SRBD1: variants seen among roughly 807,000 people sequenced by gnomAD.
SRBD1 encodes S1 RNA-binding domain-containing protein 1.
SRBD1 carries 88 observed loss-of-function variants against 115.3 expected under a neutral mutation model. That is an observed-to-expected ratio of 0.76 (90% confidence interval 0.64 to 0.91). The LOEUF is 0.91. SRBD1 is among the 40% of genes least tolerant of loss of function. SRBD1 has a pLI of 0.00. For missense variants in SRBD1, 1,385 were observed against 1,177.4 expected (o/e 1.18, Z -2.58); for synonymous variants, 509 against 407.7 (o/e 1.25, Z -2.99).
chr2:45,586,169 A>T lies in SRBD1; in HGVS notation c.649-395T>A, dbSNP rs148497251. 3.6e-3 allele frequency among the ~76,000 whole-genome samples: 552 copies of T among 152,332 alleles called. 5 individuals carry two copies. Among genetic ancestry groups the T allele is most frequent in the African/African-American group, 0.012 (509 of 41,576 alleles). On this transcript the variant is annotated intron_variant, in intron 4 of 20. Transcript: ENST00000263736. ...AGTGAGCAATTTGGCAATATCTATG[A>T]AAATTTACAATGCATAAACAAACTT...
intron 10 of SRBD1, among the ~76,000 whole-genome samples, chr2:45,554,205 TTCTC>T (rs770711789): frequency 2.2e-4 from 34 of 152,096 alleles, no homozygotes; most frequent in Non-Finnish European, 3.7e-4. Context: ...GGCTTGCTCT[TTCTC>T]TCTCTTTCTC....
chr2:45,472,109 TCA>T lies in SRBD1; in HGVS notation c.2049+4882_2049+4883del. On this transcript the variant is annotated intron_variant, in intron 16 of 20. Coordinates refer to ENST00000263736, the MANE Select transcript of SRBD1 (RefSeq NM_018079.5). ...CCAACTGATGAATGAACAAAATATCTCACACACCCACACCCACACATACACAC... is the reference window on the plus strand; with the variant it reads ...CCAACTGATGAATGAACAAAATATCTCACACCCACACCCACACATACACAC... 3.9e-5 allele frequency among the ~76,000 whole-genome samples: 6 copies of T among 152,086 alleles called. 1 individual carries two copies. The Middle Eastern group carries it at 0.017, about 431-fold the overall frequency.
intron 4 of SRBD1, among the ~76,000 whole-genome samples, chr2:45,595,737 G>T (rs1286973219): frequency 1.3e-5 from 2 of 152,134 alleles, no homozygotes; most frequent in Non-Finnish European, 2.9e-5. Context: ...CACAATAATT[G>T]TCTGTAAAAT....
intron 2 of SRBD1, among the ~76,000 whole-genome samples, chr2:45,602,431 C>T (rs1674124537): frequency 6.6e-6 from 1 of 152,172 alleles, no homozygotes; most frequent in South Asian, 2.1e-4. Flanking sequence ...GTGAGCTTTT[C>T]AATTTTAACA....
chr2:45,450,996 G>A (rs941401044), intron 16 of SRBD1, among the ~76,000 whole-genome samples: 8 of 152,118 alleles, frequency 5.3e-5, no homozygotes, highest in East Asian at 1.9e-4. Flanking sequence ...ATGTTTGAAC[G>A]GGATCTCTTT....
chr2:45,400,417 G>T (rs1667261747), intron 19 of SRBD1, among the ~76,000 whole-genome samples: 1 of 152,004 alleles, frequency 6.6e-6, no homozygotes, highest in Non-Finnish European at 1.5e-5. Context: ...CTTTATGATT[G>T]GCCAGCAACT....
intron 14 of SRBD1, among the ~76,000 whole-genome samples, chr2:45,518,962 G>A: frequency 7.3e-6 from 1 of 136,612 alleles, no homozygotes. Context: ...AACGAATAAG[G>A]CTAAAAAAAA....
intron 14 of SRBD1, among the ~76,000 whole-genome samples, chr2:45,520,575 T>C (rs1330573612): frequency 6.6e-6 from 1 of 152,202 alleles, no homozygotes; most frequent in Non-Finnish European, 1.5e-5. Flanking sequence ...AAAAGTTGCC[T>C]TTTGGCCCAC....
intron 4 of SRBD1, among the ~76,000 whole-genome samples, chr2:45,594,125 C>A (rs927881405): frequency 6.6e-6 from 1 of 152,146 alleles, no homozygotes; most frequent in Non-Finnish European, 1.5e-5. Flanking sequence ...TAGGTTAAAC[C>A]TAATAAGTGG....
rs1057137119 is a variant in SRBD1, at chr2:45,440,622, T to G, written c.2050-20728A>C. Among the ~76,000 whole-genome samples, 3 of 152,060 alleles carry G rather than the reference T, an allele frequency of 2.0e-5. No individual in the cohort carries two copies. In the South Asian group the frequency reaches 6.2e-4, roughly 32 times the overall value. ...TTTGACCTGACATAATACAAAGGAG[T>G]TGACATTTCCACTGTAAATCTCTAT... On this transcript the variant is annotated intron_variant, in intron 16 of 20. Coordinates refer to ENST00000263736, the MANE Select transcript of SRBD1 (RefSeq NM_018079.5).
intron 6 of SRBD1, among the ~76,000 whole-genome samples, chr2:45,580,364 G>A (rs889831908): frequency 6.6e-6 from 1 of 151,084 alleles, no homozygotes; most frequent in Non-Finnish European, 1.5e-5. Context: ...TCTTTTTTTT[G>A]AGATGGACTC....
intron 14 of SRBD1, among the ~76,000 whole-genome samples, chr2:45,492,512 C>G (rs2103867026): frequency 6.6e-6 from 1 of 152,280 alleles, no homozygotes; most frequent in Middle Eastern, 3.4e-3. Context: ...CATCTCCGCT[C>G]ACTGCAAGCT....
intron 9 of SRBD1, among the ~76,000 whole-genome samples, chr2:45,571,521 A>AAAAAAAAAAAAAAAAC (rs1673013117): frequency 3.3e-5 from 4 of 122,762 alleles, no homozygotes; most frequent in African/African-American, 1.7e-4. Flanking sequence ...CTTTACCAAA[A>AAAAAAAAAAAAAAAAC]AAAAAAAAAA....
chr2:45,400,680 A>G (rs1363004658), intron 19 of SRBD1, among the ~76,000 whole-genome samples: 1 of 152,016 alleles, frequency 6.6e-6, no homozygotes. Flanking sequence ...CACAACAAAA[A>G]TAACAGCAAT....
intron 15 of SRBD1, among the ~76,000 whole-genome samples, chr2:45,482,063 A>G (rs573801845): frequency 6.6e-6 from 1 of 152,282 alleles, no homozygotes; most frequent in African/African-American, 2.4e-5. Flanking sequence ...CTCTGACTAT[A>G]CTAGAAAACA....
intron 1 of SRBD1, among the ~76,000 whole-genome samples, chr2:45,609,167 A>G (rs1681886482): frequency 1.3e-5 from 2 of 152,358 alleles, no homozygotes; most frequent in South Asian, 2.1e-4. Context: ...GCACATGTTT[A>G]AAGTGTGCAA....
chr2:45,562,339 G>C (rs1672692568), intron 10 of SRBD1, among the ~76,000 whole-genome samples: 1 of 152,086 alleles, frequency 6.6e-6, no homozygotes, highest in South Asian at 2.1e-4. Flanking sequence ...GCAATTCTCT[G>C]CCTCAGCCTC....
chr2:45,401,903 A>G (rs1280839276), intron 19 of SRBD1, among the ~76,000 whole-genome samples: 1 of 152,168 alleles, frequency 6.6e-6, no homozygotes, highest in Non-Finnish European at 1.5e-5. Flanking sequence ...TAGTTAGAAG[A>G]CTTCTTTGCT....
Position 45,581,824 on chromosome 2 carries a change from C to T in SRBD1, c.816-14G>A. ...TTTGCAACAGCCCTGAAAAGAGAAACTTTTGTAATATACCAAAACTGTATG... is the reference window on the plus strand; with the variant it reads ...TTTGCAACAGCCCTGAAAAGAGAAATTTTTGTAATATACCAAAACTGTATG... On this transcript the variant is annotated splice_polypyrimidine_tract_variant and intron_variant, in intron 5 of 20. Transcript: ENST00000263736. 1 of 1,591,142 alleles carries T rather than the reference C, an allele frequency of 6.3e-7. No homozygotes were observed. Among genetic ancestry groups the T allele is most frequent in the Non-Finnish European group, 8.6e-7 (1 of 1,163,304 alleles).
Sources: gnomAD v4.1 joint callset for allele counts (sites outside exome capture counted in the v4.1 genomes callset) on GRCh38, gnomAD v4.1.1 for gene constraint, MANE v1.5 for transcripts, NCBI Gene and HGNC (gene_info 2026-07-23, HGNC 2026-07-21) for gene names.